TANC2: variants seen among roughly 807,000 people sequenced by gnomAD.
TANC2 encodes protein TANC2.
In TANC2, 26 loss-of-function variants were observed where a neutral mutation model predicts 210.5. The observed-to-expected ratio is 0.12, with a 90% CI of 0.09 to 0.17. TANC2 has a LOEUF of 0.17. Among genes scored for constraint, TANC2 ranks in the 10% least tolerant of loss-of-function variants. The probability of loss-of-function intolerance (pLI) is 1.00; values close to 1 mark genes in which losing one functional copy is unlikely to be tolerated. For missense variants in TANC2, 2,129 were observed against 2,608.9 expected (o/e 0.82, Z 4.01); for synonymous variants, 931 against 967.1 (o/e 0.96, Z 0.69).
chr17:63,254,893 A>G (rs1274927871), intron 8 of TANC2, among the ~76,000 whole-genome samples: 1 of 151,616 alleles, frequency 6.6e-6, no homozygotes, highest in African/African-American at 2.4e-5. Flanking sequence ...TTTGTTGAGG[A>G]TTTTTGCATC....
chr17:63,205,343 G>GAAAAAAA (rs2041666994), intron 7 of TANC2, among the ~76,000 whole-genome samples: 5 of 7,204 alleles, frequency 6.9e-4, no homozygotes, highest in African/African-American at 2.3e-3. Flanking sequence ...AACCAAGGAG[G>GAAAAAAA]CAAAAAAAAA....
chr17:63,371,554 C>G (rs1455521534), intron 14 of TANC2, among the ~76,000 whole-genome samples: 1 of 151,978 alleles, frequency 6.6e-6, no homozygotes, highest in South Asian at 2.1e-4. Flanking sequence ...ATAATGAAAT[C>G]TGTGTGACTC....
chr17:63,146,200 T>TC (rs1567761744), intron 4 of TANC2, among the ~76,000 whole-genome samples: 1 of 152,168 alleles, frequency 6.6e-6, no homozygotes, highest in Admixed American at 6.5e-5. Flanking sequence ...AGGTTTTTTT[T>TC]CTCAGATTGT....
chr17:63,328,486 T>C (rs1270156837), intron 11 of TANC2, among the ~76,000 whole-genome samples: 1 of 151,798 alleles, frequency 6.6e-6, no homozygotes, highest in East Asian at 1.9e-4. Context: ...TTTGCAAGAA[T>C]AGGGATAAAA....
chr17:63,223,325 A>G (rs1327434208), intron 7 of TANC2, among the ~76,000 whole-genome samples: 1 of 152,212 alleles, frequency 6.6e-6, no homozygotes, highest in Non-Finnish European at 1.5e-5. Flanking sequence ...CCGACAGTGA[A>G]AGAAAGCAGG....
intron 2 of TANC2, among the ~76,000 whole-genome samples, chr17:63,058,076 C>T (rs374649709): frequency 1.7e-4 from 26 of 152,228 alleles, no homozygotes; most frequent in African/African-American, 5.1e-4. Flanking sequence ...ACCTTTTCTC[C>T]GCAATTTGCC....
chr17:63,148,448 A>G (rs1288718468), intron 4 of TANC2: 1 of 152,166 alleles, frequency 6.6e-6, no homozygotes, highest in African/African-American at 2.4e-5. Context: ...ATTTCTTACT[A>G]TTAATATATG....
rs766670163 is a variant in TANC2, at chr17:63,420,413, C to T, written c.4683C>T (p.Pro1561=). 9 of 1,613,968 alleles carry T rather than the reference C, an allele frequency of 5.6e-6. No individual in the cohort carries two copies. In the East Asian group the frequency reaches 2.0e-4, roughly 36 times the overall value. ...GGTCCAGTAGTTCTGTAGGCTCTCC[C>T]ACTAGACAGACCTATCAGTCCACCT... The change falls in exon 28 of 28, where the codon CCC becomes CCT. Residue 1561 remains proline, a synonymous_variant. Coordinates refer to ENST00000689528, the Ensembl canonical transcript of TANC2. The surrounding 1 kb of genome is among the most constrained non-coding windows in gnomAD (Gnocchi z 4.2).
chr17:63,002,939 C>A (rs1234293873), intron 1 of TANC2, among the ~76,000 whole-genome samples: 1 of 152,050 alleles, frequency 6.6e-6, no homozygotes, highest in Non-Finnish European at 1.5e-5. Flanking sequence ...AATTGTTGTA[C>A]TAGTCTTTTC....
In TANC2 at chr17:63,105,242, A is replaced by G. The variant is rs556634646; in HGVS notation, c.322+5885A>G. Among the ~76,000 whole-genome samples, 5 of 151,842 alleles carry G rather than the reference A, an allele frequency of 3.3e-5. No homozygotes were observed. In the South Asian group the frequency reaches 1.0e-3, roughly 31 times the overall value. The stretch of plus-strand genomic sequence containing the variant: ...GATTTTCAAAGTATTTGTTGCCAAT[A>G]AATTGGAATGACCATGTGGCAATCC... On this transcript the variant is annotated intron_variant, in intron 4 of 27. Transcript: ENST00000689528.
intron 2 of TANC2, among the ~76,000 whole-genome samples, chr17:63,066,569 G>A (rs538848700): frequency 6.6e-6 from 1 of 152,206 alleles, no homozygotes; most frequent in South Asian, 2.1e-4. Flanking sequence ...CTCAGAATAT[G>A]CCAAATGCTC....
At chr17:63,071,757 C>T (rs1277735424) in intron 2 of TANC2, among the ~76,000 whole-genome samples, 1 of 152,016 alleles carries the variant, frequency 6.6e-6, no homozygotes, top group Non-Finnish European at 1.5e-5. Flanking sequence ...TGTTAGAATG[C>T]CTCTATTCTG....
intron 2 of TANC2, among the ~76,000 whole-genome samples, chr17:63,026,769 A>C (rs1293865064): frequency 6.6e-6 from 1 of 152,118 alleles, no homozygotes; most frequent in Non-Finnish European, 1.5e-5. Flanking sequence ...TTTCTTTGTA[A>C]ATTACTCTTA....
intron 3 of TANC2, among the ~76,000 whole-genome samples, chr17:63,080,276 C>G (rs2036725105): frequency 6.6e-6 from 1 of 151,976 alleles, no homozygotes; most frequent in African/African-American, 2.4e-5. Context: ...TTTACTGGCT[C>G]CATTTTCTGC....
At chr17:63,270,585 G>A (rs2043670139) in intron 9 of TANC2, among the ~76,000 whole-genome samples, 1 of 152,038 alleles carries the variant, frequency 6.6e-6, no homozygotes, top group African/African-American at 2.4e-5. Context: ...TTTTTAGTCT[G>A]CATTAAGGTA....
chr17:63,182,345 C>T, intron 5 of TANC2: 1 of 223,372 alleles, frequency 4.5e-6, no homozygotes, highest in South Asian at 7.7e-5. Context: ...GAGATATTAT[C>T]AGATGCTAAA....
At chr17:63,078,767 G>T (rs1164640724) in intron 3 of TANC2, among the ~76,000 whole-genome samples, 1 of 152,072 alleles carries the variant, frequency 6.6e-6, no homozygotes, top group East Asian at 1.9e-4. Context: ...TCTGTAGGTT[G>T]AATCATTTTA....
chr17:63,335,076 A>T (rs948919727), intron 11 of TANC2, among the ~76,000 whole-genome samples: 2 of 152,220 alleles, frequency 1.3e-5, no homozygotes, highest in Non-Finnish European at 2.9e-5. Context: ...ACCTCCCTCC[A>T]GGCTGCATCT....
rs1418830057 is a variant in TANC2, at chr17:63,224,543, C to T, written c.770-13271C>T. Among the ~76,000 whole-genome samples, 3 of 152,170 alleles carry T rather than the reference C, an allele frequency of 2.0e-5. No homozygotes were observed. In the East Asian group the frequency reaches 5.8e-4, roughly 29 times the overall value. On this transcript the variant is annotated intron_variant, in intron 7 of 27. Coordinates refer to ENST00000689528, the Ensembl canonical transcript of TANC2. ...CGTGAGCCACCACACCCGTCCCAGC[C>T]TTGCTGATCTTTACAATAATATATC...
Sources: allele counts gnomAD v4.1 joint callset (sites outside exome capture counted in the v4.1 genomes callset), GRCh38; gene constraint gnomAD v4.1.1; non-coding constraint Gnocchi (gnomAD v3.1); transcripts MANE v1.5; gene names NCBI Gene and HGNC (gene_info 2026-07-23, HGNC 2026-07-21).